HNRNPH3: variants seen among roughly 807,000 people sequenced by gnomAD.
HNRNPH3 encodes the protein heterogeneous nuclear ribonucleoprotein H3.
HNRNPH3 carries 7 observed loss-of-function variants against 47.0 expected under a neutral mutation model. That is an observed-to-expected ratio of 0.15 (90% confidence interval 0.08 to 0.28). The LOEUF is 0.28. Among genes scored for constraint, HNRNPH3 ranks in the 10% least tolerant of loss-of-function variants. The pLI is 1.00. For missense variants in HNRNPH3, 279 were observed against 449.6 expected, an observed-to-expected ratio of 0.62 and a Z score of 3.43; for synonymous variants, 120 against 143.2, an observed-to-expected ratio of 0.84 and a Z score of 1.16.
In HNRNPH3 at chr10:68,341,164, TTTTA is replaced by T; in HGVS notation, c.640-5_640-2del. The T allele has an allele frequency of 6.5e-7, 1 of 1,534,342 alleles. No homozygotes were observed. Among genetic ancestry groups the T allele is most frequent in the African/African-American group, 1.4e-5 (1 of 70,868 alleles). On this transcript the variant is annotated splice_polypyrimidine_tract_variant and splice_region_variant and intron_variant, in intron 6 of 9. Coordinates refer to ENST00000265866, the MANE Select transcript of HNRNPH3 (RefSeq NM_012207.3). ...AATAGAAAAGTAAATAAGTGTTTCC[TTTTA>T]TTTAGTTCTTCTCACCACTAAATCC...
rs541808537 is a variant in HNRNPH3, at chr10:68,337,475, A to T, written c.112+142A>T. 33 of 601,434 alleles carry T rather than the reference A, an allele frequency of 5.5e-5. 1 individual carries two copies. The East Asian group carries it at 9.2e-4, about 17-fold the overall frequency. The allele number at this position is 601,434 out of a possible 1,614,324, so 37.3% of individuals were successfully genotyped here. The stretch of plus-strand genomic sequence containing the variant: ...GTCTTGGTTAATGTATTAAAATAAT[A>T]TGCTCCAGTTAATATTCAATACAGA... On this transcript the variant is annotated intron_variant, in intron 2 of 9. Coordinates refer to ENST00000265866, the MANE Select transcript of HNRNPH3 (RefSeq NM_012207.3). This position sits in a 1 kb window ranked among gnomAD's most constrained non-coding sequence, Gnocchi z 4.5.
At chr10:68,335,547 T>C (rs34498513) in intron 1 of HNRNPH3, among the ~76,000 whole-genome samples, 8 of 152,156 alleles carry the variant, frequency 5.3e-5, no homozygotes, top group Admixed American at 4.6e-4. Flanking sequence ...ATTAAACTTA[T>C]AAAAGCCTTT....
chr10:68,339,559 A>C lies in HNRNPH3; in HGVS notation c.639+4A>C. Reference sequence around the variant, plus strand: ...AACTGAAAATGACATTGCTAATGTGAGTAATTTTTAATAACTATTAGTGGT... The same window carrying C: ...AACTGAAAATGACATTGCTAATGTGCGTAATTTTTAATAACTATTAGTGGT... On this transcript the variant is annotated splice_donor_region_variant and intron_variant, in intron 6 of 9. Coordinates refer to ENST00000265866, the MANE Select transcript of HNRNPH3 (RefSeq NM_012207.3). The C allele has an allele frequency of 6.4e-7, 1 of 1,550,936 alleles. No individual in the cohort carries two copies. The highest frequency in any genetic ancestry group is 8.9e-7 in the Non-Finnish European group (1 of 1,123,400).
intron 1 of HNRNPH3, chr10:68,333,122 A>G (rs1458411092): frequency 2.0e-5 from 3 of 147,644 alleles, no homozygotes; most frequent in Non-Finnish European, 4.5e-5. Context: ...GATTTTCCAA[A>G]GGGTTTTTTT....
At chr10:68,333,762 T>C (rs1225273171) in intron 1 of HNRNPH3, among the ~76,000 whole-genome samples, 5 of 152,270 alleles carry the variant, frequency 3.3e-5, no homozygotes, top group African/African-American at 9.6e-5. Context: ...TAAAACTTTA[T>C]AAGAATATTG....
intron 1 of HNRNPH3, among the ~76,000 whole-genome samples, chr10:68,335,145 A>G (rs1010756863): frequency 2.0e-5 from 3 of 152,004 alleles, no homozygotes; most frequent in Non-Finnish European, 4.4e-5. Context: ...TCATTGGTAC[A>G]GACTGATCCA....
Position 68,341,500 on chromosome 10 carries a change from AATTG to A in HNRNPH3, c.776-82_776-79del, listed in dbSNP as rs138927163. On this transcript the variant is annotated intron_variant, in intron 7 of 9. Transcript: ENST00000265866. ...AAGCATACTTTGTTTAATATTACTT[AATTG>A]ATCTTTTTTACAAAGCTTGTATTGA... is the stretch of plus-strand genomic sequence containing the variant. 8.6e-4 allele frequency: 912 copies of A among 1,065,426 alleles called. 4 individuals carry two copies. The African/African-American group carries it at 0.013, about 15-fold the overall frequency. 66.0% of individuals were successfully genotyped at this position (1,065,426 alleles called of 1,614,324 possible).
chr10:68,338,455 A>C (rs766734529), intron 3 of HNRNPH3, 48 bp from the exon 4 acceptor site: 8 of 1,258,400 alleles, frequency 6.4e-6, no homozygotes, highest in Admixed American at 4.2e-5. Flanking sequence ...TCTAATTTAC[A>C]CTAATACATT....
intron 1 of HNRNPH3, among the ~76,000 whole-genome samples, chr10:68,333,384 G>C (rs1358043138): frequency 6.6e-6 from 1 of 152,160 alleles, no homozygotes; most frequent in East Asian, 1.9e-4. Flanking sequence ...AAACAACCCA[G>C]TGATGGTAGA....
chr10:68,341,456 C>G, intron 7 of HNRNPH3, 129 bp from the exon 8 acceptor site: 1 of 996,940 alleles, frequency 1.0e-6, no homozygotes, highest in East Asian at 2.5e-5. Flanking sequence ...CTTTATATAT[C>G]GCTGTACTAG....
chr10:68,332,166 T>C lies in HNRNPH3; in HGVS notation c.-74T>C, dbSNP rs10998072. The C allele has an allele frequency of 0.18, 26,811 of 152,296 alleles. 3,769 individuals are homozygous for C. The highest frequency in any genetic ancestry group is 0.39 in the African/African-American group (16,297 of 41,518). 9.4% of individuals were successfully genotyped at this position (152,296 alleles called of 1,614,324 possible). On this transcript the variant is annotated 5_prime_UTR_variant, in exon 1 of 10. Transcript: ENST00000265866. Reference sequence around the variant, plus strand: ...ACGAGGCAAACGACTTCTCCCTTCTTTGAACTGGACCCCGCGAGCACCAGA... The same window carrying C: ...ACGAGGCAAACGACTTCTCCCTTCTCTGAACTGGACCCCGCGAGCACCAGA...
At position 68,337,683 on chromosome 10, in the gene HNRNPH3, T is replaced by A. The variant is rs1026947157; in HGVS notation, c.113-175T>A. On this transcript the variant is annotated intron_variant, in intron 2 of 9. Transcript: ENST00000265866. The surrounding 1 kb of genome is among the most constrained non-coding windows in gnomAD (Gnocchi z 4.5). ...TTTACACTGGTCGCAAAAAATTTAT[T>A]TAATCCAGTAATATTTGAAAAAATC... 5.1e-6 allele frequency: 3 copies of A among 586,048 alleles called. No individual in the cohort carries two copies. In the African/African-American group the frequency reaches 5.6e-5, roughly 11 times the overall value. 36.3% of individuals were successfully genotyped at this position (586,048 alleles called of 1,614,324 possible).
chr10:68,339,258 T>C (rs2045703451), intron 5 of HNRNPH3, 32 bp downstream of exon 5: 1 of 1,577,578 alleles, frequency 6.3e-7, no homozygotes, highest in Admixed American at 1.7e-5. Context: ...TTTTTATTCA[T>C]AGGTAAATTT....
At chr10:68,341,721 C>T (rs757831408) in intron 8 of HNRNPH3, 38 bp from the exon 9 acceptor site, 6 of 1,578,322 alleles carry the variant, frequency 3.8e-6, no homozygotes, top group African/African-American at 1.4e-5. Flanking sequence ...AGCTGCTTAT[C>T]GATGAGTCTC....
At chr10:68,332,326 C>T (rs971720657) in intron 1 of HNRNPH3, 110 bp downstream of exon 1, 2 of 152,136 alleles carry the variant, frequency 1.3e-5, no homozygotes, top group African/African-American at 4.8e-5. Flanking sequence ...GTGGTCGCCG[C>T]TCGGAGGCCG....
rs1425517089 is a variant in HNRNPH3 at position 68,342,101 on chromosome 10, C to T, written c.*47C>T. ...AGTCTTGACAACAGCATCTGGTCTA[C>T]TAGACTTTCTTACAGATTTAATTTC... is the stretch of plus-strand genomic sequence containing the variant. On this transcript the variant is annotated 3_prime_UTR_variant, in exon 10 of 10. Coordinates refer to ENST00000265866, the MANE Select transcript of HNRNPH3 (RefSeq NM_012207.3). The T allele has an allele frequency of 7.6e-7, 1 of 1,313,078 alleles. No individual in the cohort carries two copies. The highest frequency in any genetic ancestry group is 1.5e-5 in the African/African-American group (1 of 67,462). 81.3% of individuals were successfully genotyped at this position (1,313,078 alleles called of 1,614,324 possible). A position where few individuals can be genotyped will look rare whatever the true frequency, so the allele number is the denominator to read the frequency against.
chr10:68,333,285 TG>T (rs2045318648), intron 1 of HNRNPH3, among the ~76,000 whole-genome samples: 1 of 24,308 alleles, frequency 4.1e-5, no homozygotes, highest in African/African-American at 1.7e-4. Flanking sequence ...ACTTTCGGGG[TG>T]GGGGTGGGTG....
intron 3 of HNRNPH3, 22 bp downstream of exon 3, chr10:68,338,018 T>C: frequency 6.4e-7 from 1 of 1,564,834 alleles, no homozygotes. Flanking sequence ...GAGTTTGGGA[T>C]GGTGTTAAAT....
intron 3 of HNRNPH3, 171 bp downstream of exon 3, chr10:68,338,167 ATAGT>A: frequency 2.0e-6 from 1 of 507,668 alleles, no homozygotes; most frequent in South Asian, 4.0e-5. Flanking sequence ...ATTAATGCTA[ATAGT>A]TAAATTAAAA....
Sources: gnomAD v4.1 joint callset for allele counts (sites outside exome capture counted in the v4.1 genomes callset) on GRCh38, gnomAD v4.1.1 for gene constraint, Gnocchi (gnomAD v3.1) non-coding constraint, MANE v1.5 for transcripts, NCBI Gene and HGNC (gene_info 2026-07-23, HGNC 2026-07-21) for gene names.